PDGFRL: variants seen among roughly 807,000 people sequenced by gnomAD.
PDGFRL encodes the protein platelet-derived growth factor receptor-like protein.
PDGFRL carries 46 observed loss-of-function variants against 37.2 expected under a neutral mutation model. The observed-to-expected ratio is 1.24, with a 90% CI of 0.98 to 1.58. The LOEUF is 1.58. Ranked by LOEUF, PDGFRL falls within the 40% of genes most tolerant of loss-of-function variation. The pLI, the probability that PDGFRL is intolerant of heterozygous loss-of-function variation, is 0.00. For synonymous variants in PDGFRL, 251 were observed against 184.3 expected (o/e 1.36, Z -2.93); for missense variants, 692 against 467.6 (o/e 1.48, Z -4.43).
At chr8:17,590,747 T>C (rs913954646) in intron 2 of PDGFRL, among the ~76,000 whole-genome samples, 1 of 151,974 alleles carries the variant, frequency 6.6e-6, no homozygotes, top group Non-Finnish European at 1.5e-5. Flanking sequence ...TGAAAGTTAA[T>C]GGACTCAATG....
At chr8:17,618,558 T>C (rs1233923929) in intron 2 of PDGFRL, among the ~76,000 whole-genome samples, 2 of 152,246 alleles carry the variant, frequency 1.3e-5, no homozygotes, top group Non-Finnish European at 2.9e-5. Context: ...ACATACTTAA[T>C]TGACTTAAGG....
chr8:17,608,639 T>C (rs1283617940), intron 2 of PDGFRL, among the ~76,000 whole-genome samples: 3 of 152,052 alleles, frequency 2.0e-5, no homozygotes, highest in African/African-American at 7.2e-5. Context: ...TTAATGTATA[T>C]ATAAAGGCAG....
chr8:17,602,841 T>A (rs1804194829), intron 2 of PDGFRL, among the ~76,000 whole-genome samples: 1 of 152,164 alleles, frequency 6.6e-6, no homozygotes. Flanking sequence ...TGAAGAAACA[T>A]TCCAAATGAG....
At chr8:17,612,556 A>G (rs60120001) in intron 2 of PDGFRL, among the ~76,000 whole-genome samples, 2 of 152,042 alleles carry the variant, frequency 1.3e-5, no homozygotes, top group Admixed American at 6.6e-5. Flanking sequence ...TTTTTAGTAG[A>G]TATGTGGTTT....
chr8:17,621,009 C>T (rs534878037), intron 2 of PDGFRL, 42 bp from the exon 3 acceptor site: 1 of 1,523,246 alleles, frequency 6.6e-7, no homozygotes, highest in Non-Finnish European at 8.9e-7. Context: ...GGGCCCCAGC[C>T]AGGTCTGACT....
At chr8:17,626,218 A>C (rs1469014367) in intron 3 of PDGFRL, among the ~76,000 whole-genome samples, 1 of 152,228 alleles carries the variant, frequency 6.6e-6, no homozygotes, top group Non-Finnish European at 1.5e-5. Context: ...ACATTGAAGC[A>C]TGAGGAAATA....
chr8:17,580,186 TTTC>T (rs1803676142), intron 1 of PDGFRL, among the ~76,000 whole-genome samples: 1 of 152,172 alleles, frequency 6.6e-6, no homozygotes, highest in Non-Finnish European at 1.5e-5. Context: ...AAGGGGTTTC[TTTC>T]TTGGAGGACT....
At chr8:17,601,771 C>T (rs925600616) in intron 2 of PDGFRL, among the ~76,000 whole-genome samples, 10 of 152,178 alleles carry the variant, frequency 6.6e-5, no homozygotes, top group African/African-American at 2.4e-4. Context: ...CCTCCAGCTG[C>T]ATCCATGTTG....
rs566250673 is a variant in PDGFRL at position 17,606,106 on chromosome 8, C to T, written c.354-14945C>T. Among the ~76,000 whole-genome samples the T allele has an allele frequency of 8.6e-4, 131 of 152,176 alleles. No homozygotes were observed. The Middle Eastern group carries it at 0.01, about 12-fold the overall frequency. ...TTAAGTGGTTATCAACAGAAGAATC[C>T]CACCATTGAGAAAGAATCTGCACAG... On this transcript the variant is annotated intron_variant, in intron 2 of 5. Transcript: ENST00000251630.
At position 17,634,125 on chromosome 8, in the gene PDGFRL, A is replaced by G. The variant is rs1469447352; in HGVS notation, c.851A>G (p.Lys284Arg). ...ATCTTGGCTTCTTCAAACAAAGTGA[A>G]AAGTGGGGACGACATCAGTGTGCTC... ...TTILASSNKV[K>R]SGDDISVLCT... Residue 284 changes from lysine (K) to arginine (R), a missense_variant, in exon 5 of 6, where the codon AAA becomes AGA. Transcript: ENST00000251630. 1.2e-6 allele frequency: 2 copies of G among 1,613,728 alleles called. No homozygotes were observed.
chr8:17,609,462 G>A (rs1369158750), intron 2 of PDGFRL, among the ~76,000 whole-genome samples: 3 of 151,144 alleles, frequency 2.0e-5, no homozygotes, highest in Non-Finnish European at 2.9e-5. Context: ...GCGACAGAGC[G>A]AGACTCTGTC....
intron 1 of PDGFRL, among the ~76,000 whole-genome samples, chr8:17,578,732 C>G (rs1447595725): frequency 6.6e-6 from 1 of 152,134 alleles, no homozygotes; most frequent in Non-Finnish European, 1.5e-5. Context: ...TGGATCTCAC[C>G]CAGCCCATGT....
chr8:17,614,268 A>G (rs2129732804), intron 2 of PDGFRL, among the ~76,000 whole-genome samples: 1 of 152,100 alleles, frequency 6.6e-6, no homozygotes, highest in Non-Finnish European at 1.5e-5. Flanking sequence ...CATCATGCAT[A>G]TTTTTTCTTT....
At chr8:17,616,986 T>C (rs1392607470) in intron 2 of PDGFRL, among the ~76,000 whole-genome samples, 1 of 152,122 alleles carries the variant, frequency 6.6e-6, no homozygotes, top group African/African-American at 2.4e-5. Context: ...GTCAGCTCCC[T>C]CCTCTGTGCC....
At chr8:17,613,078 C>T (rs1804454921) in intron 2 of PDGFRL, among the ~76,000 whole-genome samples, 2 of 152,160 alleles carry the variant, frequency 1.3e-5, no homozygotes, top group South Asian at 2.1e-4. Context: ...TTAGCTAAAT[C>T]TCTTGGGTCT....
At chr8:17,579,385 G>A (rs1474243590) in intron 1 of PDGFRL, among the ~76,000 whole-genome samples, 2 of 151,968 alleles carry the variant, frequency 1.3e-5, no homozygotes, top group Non-Finnish European at 2.9e-5. Flanking sequence ...GATTACACAG[G>A]AGGCCCTTCC....
At chr8:17,606,965 G>A (rs960017390) in intron 2 of PDGFRL, among the ~76,000 whole-genome samples, 4 of 143,196 alleles carry the variant, frequency 2.8e-5, no homozygotes, top group Non-Finnish European at 6.0e-5. Flanking sequence ...GTGCAATCTG[G>A]GCTCACTGCA....
Position 17,609,475 on chromosome 8 carries a change from GA to G in PDGFRL, c.354-11563del, listed in dbSNP as rs879288653. On this transcript the variant is annotated intron_variant, in intron 2 of 5. Transcript: ENST00000251630. ...GGGCGACAGAGCGAGACTCTGTCTG[GA>G]AAAAAAAAAAAATTACCTGGGTGTG... 2.4e-3 allele frequency among the ~76,000 whole-genome samples: 332 copies of G among 140,802 alleles called. 1 individual carries two copies. The highest frequency in any genetic ancestry group is 3.6e-3 in the Middle Eastern group (1 of 276). 92.4% of individuals were successfully genotyped at this position (140,802 alleles called of 152,430 possible).
At chr8:17,632,716 C>T (rs775124742) in intron 4 of PDGFRL, among the ~76,000 whole-genome samples, 6 of 152,150 alleles carry the variant, frequency 3.9e-5, no homozygotes, top group African/African-American at 1.4e-4. Flanking sequence ...GCCTGAATGG[C>T]CTCACATGGA....
Sources: allele counts gnomAD v4.1 joint callset (sites outside exome capture counted in the v4.1 genomes callset), GRCh38; gene constraint gnomAD v4.1.1; transcripts MANE v1.5; gene names NCBI Gene and HGNC (gene_info 2026-07-23, HGNC 2026-07-21).